The following LARGE1 variants were observed in gnomAD, a reference collection of about 807,000 sequenced individuals.
LARGE1 encodes xylosyl- and glucuronyltransferase LARGE1.
In LARGE1, 43 loss-of-function variants were observed where a neutral mutation model predicts 87.6. The ratio of observed to expected loss-of-function variants is 0.49; its 90% CI spans 0.38 to 0.63. The LOEUF is 0.63. LARGE1 is among the 30% of genes least tolerant of loss of function. LARGE1 has a pLI of 0.00. For synonymous variants in LARGE1, 434 were observed against 394.6 expected, an observed-to-expected ratio of 1.10 and a Z score of -1.18; for missense variants, 802 against 1,000.2, an observed-to-expected ratio of 0.80 and a Z score of 2.67.
chr22:33,090,184 G>A, the LARGE1 span, among the ~76,000 whole-genome samples: 13 of 152,190 alleles, frequency 8.5e-5, no homozygotes, highest in East Asian at 9.6e-4. Flanking sequence ...CAGCCTGGGT[G>A]ACAGAGCAAG....
intron 11 of LARGE1, among the ~76,000 whole-genome samples, chr22:33,257,463 AAACAAAAAAAAG>A (rs1927370137): frequency 6.6e-6 from 1 of 150,586 alleles, no homozygotes; most frequent in East Asian, 2.0e-4. Flanking sequence ...AAAAACAAAA[AAACAAAAAAAAG>A]GCAGGGGGGT....
chr22:33,087,261 A>T, the LARGE1 span, among the ~76,000 whole-genome samples: 2 of 151,806 alleles, frequency 1.3e-5, no homozygotes, highest in African/African-American at 4.8e-5. Context: ...TTTTATACTA[A>T]AAAATAATTT....
intron 7 of LARGE1, among the ~76,000 whole-genome samples, chr22:33,420,557 G>A (rs538379625): frequency 6.6e-6 from 1 of 152,302 alleles, no homozygotes; most frequent in South Asian, 2.1e-4. Context: ...AGCCAGAGTG[G>A]CTGGAGTGGA....
intron 10 of LARGE1, 52 bp downstream of exon 10, chr22:33,337,594 T>G (rs1938614214): frequency 1.9e-6 from 3 of 1,608,990 alleles, no homozygotes; most frequent in Non-Finnish European, 1.7e-6. Flanking sequence ...AGGTCCTTGA[T>G]GGATGAGCAG....
At chr22:33,367,051 A>C (rs1219385836) in intron 9 of LARGE1, among the ~76,000 whole-genome samples, 1 of 152,224 alleles carries the variant, frequency 6.6e-6, no homozygotes, top group Non-Finnish European at 1.5e-5. Context: ...GGTAAGTAAC[A>C]CATTTCTAGG....
In LARGE1 at chr22:33,213,033, G is replaced by A. The variant is rs910322404; in HGVS notation, c.1731-46201C>T. ...ACTCCGTCTGAAAAAAAAAAAAAAA[G>A]AATATTTGTGATTCATGGGAGGAGA... On this transcript the variant is annotated intron_variant, in intron 11 of 11. Coordinates refer to the LARGE1 transcript ENST00000608642. Among the ~76,000 whole-genome samples, 24 of 147,008 alleles carry A rather than the reference G, an allele frequency of 1.6e-4. No homozygotes were observed. The East Asian group carries it at 2.8e-3, about 17-fold the overall frequency.
At chr22:33,710,104 C>T (rs182206433) in intron 2 of LARGE1, among the ~76,000 whole-genome samples, 1 of 150,632 alleles carries the variant, frequency 6.6e-6, no homozygotes, top group Non-Finnish European at 1.5e-5. Flanking sequence ...AGTAGCTATA[C>T]GAGCAAAGAA....
chr22:33,750,834 C>T (rs1259631738), intron 2 of LARGE1: 1 of 152,088 alleles, frequency 6.6e-6, no homozygotes, highest in Non-Finnish European at 1.5e-5. Flanking sequence ...CTGTGATCCA[C>T]TCTCATAGGG....
intron 9 of LARGE1, among the ~76,000 whole-genome samples, chr22:33,374,264 CTAT>C (rs2064922314): frequency 6.6e-6 from 1 of 152,146 alleles, no homozygotes; most frequent in Non-Finnish European, 1.5e-5. Context: ...ACCTGGTTAT[CTAT>C]TATACATTGG....
chr22:33,272,309 C>T (rs1928320330), downstream of LARGE1, among the ~76,000 whole-genome samples: 1 of 152,124 alleles, frequency 6.6e-6, no homozygotes, highest in Admixed American at 6.6e-5. Context: ...ATCTGTGTAT[C>T]TGTCTGTGTG....
intron 6 of LARGE1, among the ~76,000 whole-genome samples, chr22:33,438,493 ACAGT>A (rs1569163362): frequency 6.6e-6 from 1 of 152,156 alleles, no homozygotes; most frequent in Non-Finnish European, 1.5e-5. Context: ...ATCACTACTA[ACAGT>A]CAGACAAGAG....
chr22:33,809,947 G>T (rs889321869), intron 1 of LARGE1, among the ~76,000 whole-genome samples: 5 of 151,622 alleles, frequency 3.3e-5, no homozygotes, highest in African/African-American at 1.2e-4. Flanking sequence ...TTTACAATTT[G>T]CAGTTCAGTT....
intron 2 of LARGE1, among the ~76,000 whole-genome samples, chr22:33,716,231 T>A: frequency 6.6e-6 from 1 of 152,144 alleles, no homozygotes; most frequent in East Asian, 1.9e-4. Context: ...GATAATAAAT[T>A]TTTTGCATAA....
intron 11 of LARGE1, among the ~76,000 whole-genome samples, chr22:33,209,381 A>G (rs1042306760): frequency 2.6e-5 from 4 of 152,220 alleles, no homozygotes; most frequent in Admixed American, 2.0e-4. Context: ...ATAGTATATT[A>G]TGAGACTCAC....
At chr22:33,102,682 G>A in the LARGE1 span, among the ~76,000 whole-genome samples, 4 of 151,930 alleles carry the variant, frequency 2.6e-5, no homozygotes, top group African/African-American at 9.7e-5. Context: ...GTAGAGACGG[G>A]GTTTCGCCAT....
At chr22:33,115,749 G>A in the LARGE1 span, among the ~76,000 whole-genome samples, 12 of 151,116 alleles carry the variant, frequency 7.9e-5, no homozygotes, top group Admixed American at 4.0e-4. Flanking sequence ...ACTGGGAGGC[G>A]GCGGTTGCAG....
chr22:33,661,524 T>A (rs1470562032), intron 2 of LARGE1, among the ~76,000 whole-genome samples: 2 of 125,952 alleles, frequency 1.6e-5, no homozygotes, highest in African/African-American at 9.5e-5. Flanking sequence ...ATTTCTGTGA[T>A]TTTTTTTTTT....
the LARGE1 span, among the ~76,000 whole-genome samples, chr22:33,093,804 C>CTTTT: frequency 7.8e-6 from 1 of 128,336 alleles, no homozygotes; most frequent in African/African-American, 2.9e-5. Flanking sequence ...GTCCTTGATT[C>CTTTT]TTTTTTTTTC....
chr22:33,081,423 G>T, the LARGE1 span, among the ~76,000 whole-genome samples: 1 of 152,182 alleles, frequency 6.6e-6, no homozygotes, highest in Non-Finnish European at 1.5e-5. Flanking sequence ...GGAGGAGAAA[G>T]AATGATAAGT....
Sources: gnomAD v4.1 joint callset for allele counts (sites outside exome capture counted in the v4.1 genomes callset) on GRCh38, gnomAD v4.1.1 for gene constraint, MANE v1.5 for transcripts, NCBI Gene and HGNC (gene_info 2026-07-23, HGNC 2026-07-21) for gene names.